The following ZKSCAN2 variants were observed in gnomAD, a reference collection of about 807,000 sequenced individuals.
The protein encoded by ZKSCAN2 is zinc finger with KRAB and SCAN domains 2.
In ZKSCAN2, 38 loss-of-function variants were observed where a neutral mutation model predicts 90.5. That is an observed-to-expected ratio of 0.42 (90% CI 0.32 to 0.55). The LOEUF (loss-of-function observed/expected upper bound fraction) is 0.55. Among genes scored for constraint, ZKSCAN2 ranks in the 20% least tolerant of loss-of-function variants. The pLI, the probability that ZKSCAN2 is intolerant of heterozygous loss-of-function variation, is 0.11. For synonymous variants in ZKSCAN2, 429 were observed against 421.6 expected, an observed-to-expected ratio of 1.02 and a Z score of -0.22; for missense variants, 1,167 against 1,202.6, an observed-to-expected ratio of 0.97 and a Z score of 0.44.
intron 2 of ZKSCAN2, 100 bp downstream of exon 2, chr16:25,255,106 T>C (rs1963078290): frequency 3.3e-6 from 4 of 1,206,300 alleles, no homozygotes; most frequent in Non-Finnish European, 4.6e-6. Flanking sequence ...ATTCTGAATA[T>C]GTATCAAGGA....
At chr16:25,243,119 A>G (rs1325905617) in intron 6 of ZKSCAN2, among the ~76,000 whole-genome samples, 1 of 152,234 alleles carries the variant, frequency 6.6e-6, no homozygotes, top group African/African-American at 2.4e-5. Flanking sequence ...CACCCCATAT[A>G]ACCATAAGAT....
Position 25,246,960 on chromosome 16 carries a change from C to T in ZKSCAN2, c.1236G>A (p.Met412Ile), listed in dbSNP as rs148194807. The T allele has an allele frequency of 6.2e-7, 1 of 1,614,182 alleles. No individual in the cohort carries two copies. The highest frequency in any genetic ancestry group is 8.5e-7 in the Non-Finnish European group (1 of 1,180,040). Residue 412 changes from methionine to isoleucine, a missense_variant, in exon 5 of 7, where the codon ATG (methionine) becomes ATA (isoleucine). Coordinates refer to ENST00000328086, the MANE Select transcript of ZKSCAN2 (RefSeq NM_001012981.5). ...CCTCAAAGAAGGCGCAGGGTTCTAG[C>T]ATGTGGCCATTTCTCACCTTTCGAT... is the stretch of plus-strand genomic sequence containing the variant. ...KSYRKVRNGHMLEPCAFFEDM... is the reference protein window; with the variant it reads ...KSYRKVRNGHILEPCAFFEDM...
At chr16:25,253,277 G>T (rs1963048021) in intron 2 of ZKSCAN2, among the ~76,000 whole-genome samples, 1 of 152,126 alleles carries the variant, frequency 6.6e-6, no homozygotes, top group African/African-American at 2.4e-5. Flanking sequence ...AGGACTGTGG[G>T]AACTGGAGAG....
intron 6 of ZKSCAN2, among the ~76,000 whole-genome samples, chr16:25,241,789 A>G (rs1403431753): frequency 6.6e-6 from 1 of 152,192 alleles, no homozygotes; most frequent in Non-Finnish European, 1.5e-5. Context: ...ATAACTCTCA[A>G]TCCCAAGTGT....
intron 5 of ZKSCAN2, among the ~76,000 whole-genome samples, chr16:25,245,765 G>A (rs1447207614): frequency 6.9e-6 from 1 of 144,256 alleles, no homozygotes; most frequent in Non-Finnish European, 1.5e-5. Flanking sequence ...GTGAGACACC[G>A]TCTCGGAAAA....
chr16:25,247,509 G>C (rs1428319462), intron 4 of ZKSCAN2, 119 bp from the exon 5 acceptor site: 2 of 729,920 alleles, frequency 2.7e-6, no homozygotes, highest in African/African-American at 3.6e-5. Flanking sequence ...CCTCAGCTGT[G>C]ACACTGCACA....
rs548103236 is a variant in ZKSCAN2 at position 25,243,943 on chromosome 16, C to A, written c.1823G>T (p.Gly608Val). The A allele has an allele frequency of 4.4e-5, 71 of 1,614,136 alleles. No homozygotes were observed. The South Asian group carries it at 6.7e-4, about 15-fold the overall frequency. ...VPSPSRQERGGIEVEPQEPTG... is the reference protein window; with the variant it reads ...VPSPSRQERGVIEVEPQEPTG... ...AGGTTCCTGGGGTTCAACCTCAATACCCCCTCTTTCTTGCCTTGAAGGTGA... is the reference window on the plus strand; with the variant it reads ...AGGTTCCTGGGGTTCAACCTCAATAACCCCTCTTTCTTGCCTTGAAGGTGA... The change falls in exon 6 of 7, where the codon GGT (glycine) becomes GTT (valine). Residue 608 changes from glycine to valine, a missense_variant. Gly to Val is a moderately radical substitution (Grantham distance 109). Transcript: ENST00000328086.
rs922030837 is a variant in ZKSCAN2 at position 25,257,454 on chromosome 16, G to A, written c.-327C>T. 2.0e-5 allele frequency: 21 copies of A among 1,044,820 alleles called. No homozygotes were observed. The African/African-American group carries it at 2.5e-4, about 13-fold the overall frequency. 64.7% of individuals were successfully genotyped at this position (1,044,820 alleles called of 1,614,324 possible). ...CTGGGAGAAAAATGAAGCAGGCTGA[G>A]GAAAGGCTGGGCGGAGGCGGACAGC... is the stretch of plus-strand genomic sequence containing the variant. On this transcript the variant is annotated 5_prime_UTR_variant, in exon 1 of 7. Transcript: ENST00000328086.
At chr16:25,253,533 G>A (rs566040105) in intron 2 of ZKSCAN2, among the ~76,000 whole-genome samples, 1 of 152,060 alleles carries the variant, frequency 6.6e-6, no homozygotes, top group African/African-American at 2.4e-5. Context: ...GCATAAAACA[G>A]TATAGTAGTA....
rs777337504 is a variant in ZKSCAN2 at position 25,240,610 on chromosome 16, G to A, written c.2110C>T (p.Arg704Cys). The A allele has an allele frequency of 7.4e-6, 12 of 1,614,084 alleles. No homozygotes were observed. The highest frequency in any genetic ancestry group is 6.6e-5 in the South Asian group (6 of 91,074). Residue 704 changes from arginine (R) to cysteine (C), a missense_variant, in exon 7 of 7, where the codon CGC becomes TGC. Arg to Cys is a radical substitution (Grantham distance 180). Coordinates refer to ENST00000328086, the MANE Select transcript of ZKSCAN2 (RefSeq NM_001012981.5). The part of the protein sequence containing the change: ...VSQSTDPSKY[R>C]KRECISGRQW... ...CTTCCTGAGATGCATTCCCTTTTGC[G>A]ATATTTGCTGGGGTCGGTACTCTGG...
chr16:25,237,195 T>G lies in ZKSCAN2; in HGVS notation c.*2621A>C, dbSNP rs1962782924. 1.3e-5 allele frequency: 2 copies of G among 152,284 alleles called. No homozygotes were observed. The highest frequency in any genetic ancestry group is 2.9e-5 in the Non-Finnish European group (2 of 68,044). The allele number at this position is 152,284 out of a possible 1,614,324, so 9.4% of individuals were successfully genotyped here. A position where few individuals can be genotyped will look rare whatever the true frequency, so the allele number is the denominator to read the frequency against. Reference sequence around the variant, plus strand: ...AATGTTATGTGATCTAAAAGACACATTGGTCAGAACATGATTATTCATTTT... The same window carrying G: ...AATGTTATGTGATCTAAAAGACACAGTGGTCAGAACATGATTATTCATTTT... On this transcript the variant is annotated 3_prime_UTR_variant, in exon 7 of 7. Coordinates refer to ENST00000328086, the MANE Select transcript of ZKSCAN2 (RefSeq NM_001012981.5).
chr16:25,240,682 T>A lies in ZKSCAN2; in HGVS notation c.2038A>T (p.Met680Leu). 2 of 1,614,200 alleles carry A rather than the reference T, an allele frequency of 1.2e-6. No homozygotes were observed. The highest frequency in any genetic ancestry group is 1.7e-6 in the Non-Finnish European group (2 of 1,180,014). The change falls in exon 7 of 7, where the codon ATG becomes TTG. Residue 680 changes from methionine to leucine, a missense_variant. By Grantham distance (15) the Met-to-Leu change is conservative. Coordinates refer to ENST00000328086, the MANE Select transcript of ZKSCAN2 (RefSeq NM_001012981.5). ...EDPTQIVYKD[M>L]EQHRALIEKS... Reference sequence around the variant, plus strand: ...TCTATTAATGCCCTATGCTGTTCCATGTCCTTATATACTATCTGTGTTGGA... The same window carrying A: ...TCTATTAATGCCCTATGCTGTTCCAAGTCCTTATATACTATCTGTGTTGGA...
At chr16:25,255,605 G>C (rs1017748612) in intron 1 of ZKSCAN2, among the ~76,000 whole-genome samples, 3 of 152,176 alleles carry the variant, frequency 2.0e-5, no homozygotes, top group African/African-American at 4.8e-5. Context: ...TTCTGAGACA[G>C]AGTTTCACTT....
At chr16:25,252,148 G>A in intron 3 of ZKSCAN2, 113 bp from the exon 4 acceptor site, 1 of 1,255,314 alleles carries the variant, frequency 8.0e-7, no homozygotes, top group South Asian at 1.5e-5. Flanking sequence ...CAAGGAACAA[G>A]TGGATAGTTT....
rs1019937701 is a variant in ZKSCAN2 at position 25,257,272 on chromosome 16, C to G, written c.-145G>C. 4 of 1,472,582 alleles carry G rather than the reference C, an allele frequency of 2.7e-6. No homozygotes were observed. The Admixed American group carries it at 7.5e-5, about 28-fold the overall frequency. The allele number at this position is 1,472,582 out of a possible 1,614,324, so 91.2% of individuals were successfully genotyped here. On this transcript the variant is annotated 5_prime_UTR_variant, in exon 1 of 7. Coordinates refer to ENST00000328086, the MANE Select transcript of ZKSCAN2 (RefSeq NM_001012981.5). ...GTCGGCAGGAACAGGGTATTCCAGGCTGATTAATCAAATCTATGCCAGGCC... is the reference window on the plus strand; with the variant it reads ...GTCGGCAGGAACAGGGTATTCCAGGGTGATTAATCAAATCTATGCCAGGCC...
At position 25,257,575 on chromosome 16, in the gene ZKSCAN2, C is replaced by G. The variant is rs1963130171; in HGVS notation, c.-448G>C. On this transcript the variant is annotated 5_prime_UTR_variant, in exon 1 of 7. Coordinates refer to ENST00000328086, the MANE Select transcript of ZKSCAN2 (RefSeq NM_001012981.5). Reference sequence around the variant, plus strand: ...CCGGATGTGCAGGCCCCGCCCGGCGCCAGGTTCCGGGCTCGGGTCACCGCA... The same window carrying G: ...CCGGATGTGCAGGCCCCGCCCGGCGGCAGGTTCCGGGCTCGGGTCACCGCA... 1 of 945,568 alleles carries G rather than the reference C, an allele frequency of 1.1e-6. No individual in the cohort carries two copies. Among genetic ancestry groups the G allele is most frequent in the Non-Finnish European group, 1.3e-6 (1 of 793,574 alleles). The allele number at this position is 945,568 out of a possible 1,614,324, so 58.6% of individuals were successfully genotyped here. A position where few individuals can be genotyped will look rare whatever the true frequency, so the allele number is the denominator to read the frequency against.
In ZKSCAN2 at chr16:25,239,920, G is replaced by T. The variant is rs772217177; in HGVS notation, c.2800C>A (p.Arg934=). Residue 934 remains arginine (R), a synonymous_variant, in exon 7 of 7, where the codon CGG becomes AGG. Transcript: ENST00000328086. ...FSKSSVLTKH[R]EVHVREKPLP... Reference sequence around the variant, plus strand: ...GGCTTTTCTCTCACATGAACTTCCCGATGTTTGGTAAGAACAGAACTCTTA... The same window carrying T: ...GGCTTTTCTCTCACATGAACTTCCCTATGTTTGGTAAGAACAGAACTCTTA... 1.2e-6 allele frequency: 2 copies of T among 1,614,122 alleles called. No individual in the cohort carries two copies. The highest frequency in any genetic ancestry group is 1.6e-4 in the Middle Eastern group (1 of 6,062).
intron 1 of ZKSCAN2, 74 bp from the exon 2 acceptor site, chr16:25,255,466 C>T: frequency 6.8e-7 from 1 of 1,469,586 alleles, no homozygotes; most frequent in South Asian, 1.2e-5. Context: ...CCAGGAAAGA[C>T]ATCAAAGAAG....
chr16:25,240,517 C>T lies in ZKSCAN2; in HGVS notation c.2203G>A (p.Ala735Thr). 6.2e-7 allele frequency: 1 copy of T among 1,614,160 alleles called. No homozygotes were observed. The highest frequency in any genetic ancestry group is 8.5e-7 in the Non-Finnish European group (1 of 1,180,032). The change falls in exon 7 of 7, where the codon GCC becomes ACC. Residue 735 changes from alanine (A) to threonine (T), a missense_variant. Physicochemically the swap from Ala to Thr is moderately conservative, Grantham distance 58 (BLOSUM62 0). Transcript: ENST00000328086. ...ACAAAAGGCCTCTGATGCACAACGG[C>T]TTTCCCTAAATCTCTAGGCTGAGAC... is the stretch of plus-strand genomic sequence containing the variant. The part of the protein sequence containing the change: ...PMSQPRDLGK[A>T]VVHQRPFVGK...
Sources: allele counts gnomAD v4.1 joint callset (sites outside exome capture counted in the v4.1 genomes callset), GRCh38; gene constraint gnomAD v4.1.1; transcripts MANE v1.5; gene names NCBI Gene and HGNC (gene_info 2026-07-23, HGNC 2026-07-21).